The following PDGFC variants were observed in gnomAD, a reference collection of about 807,000 sequenced individuals.
PDGFC encodes the protein platelet-derived growth factor C.
Under a neutral mutation model 35.5 loss-of-function variants are expected in PDGFC, and 12 were observed. That is an observed-to-expected ratio of 0.34 (90% confidence interval 0.22 to 0.55). PDGFC has a LOEUF of 0.55. Ranked by LOEUF, PDGFC falls within the 20% of genes least tolerant of loss-of-function variation. The pLI is 0.91. For synonymous variants in PDGFC, 159 were observed against 148.8 expected (o/e 1.07, Z -0.50); for missense variants, 322 against 412.4 (o/e 0.78, Z 1.90).
chr4:156,763,982 T>C (rs912581600), intron 5 of PDGFC, among the ~76,000 whole-genome samples: 1 of 152,250 alleles, frequency 6.6e-6, no homozygotes, highest in African/African-American at 2.4e-5. Context: ...GTGTATTCTA[T>C]AAAATATTAA....
At chr4:156,917,151 A>G (rs1023737393) in intron 1 of PDGFC, among the ~76,000 whole-genome samples, 1 of 152,230 alleles carries the variant, frequency 6.6e-6, no homozygotes, top group Non-Finnish European at 1.5e-5. Flanking sequence ...GGGCCCAATA[A>G]GAGACCACTC....
chr4:156,867,558 A>G (rs1729875556), intron 1 of PDGFC, among the ~76,000 whole-genome samples: 1 of 152,192 alleles, frequency 6.6e-6, no homozygotes, highest in Admixed American at 6.5e-5. Flanking sequence ...TTATCTGTCA[A>G]TTCAAGAGTA....
At position 156,942,328 on chromosome 4, in the gene PDGFC, G is replaced by A. The variant is rs374907188; in HGVS notation, c.118+28458C>T. 7.1e-4 allele frequency among the ~76,000 whole-genome samples: 108 copies of A among 152,088 alleles called. No individual in the cohort carries two copies. The East Asian group carries it at 0.013, about 19-fold the overall frequency. ...ACATCGAATGTACTTTATTTTTCTAGCTTATCTTCTTTCATGATTAAAAAA... is the reference window on the plus strand; with the variant it reads ...ACATCGAATGTACTTTATTTTTCTAACTTATCTTCTTTCATGATTAAAAAA... On this transcript the variant is annotated intron_variant, in intron 1 of 5. Transcript: ENST00000502773.
chr4:156,895,594 T>C (rs1461995229), intron 1 of PDGFC, among the ~76,000 whole-genome samples: 1 of 150,200 alleles, frequency 6.7e-6, no homozygotes, highest in Non-Finnish European at 1.5e-5. Context: ...ATCGTGCCAC[T>C]GCACTCCAGC....
chr4:156,899,312 T>A (rs1421039353), intron 1 of PDGFC, among the ~76,000 whole-genome samples: 1 of 152,230 alleles, frequency 6.6e-6, no homozygotes, highest in Non-Finnish European at 1.5e-5. Context: ...TATTAAAATA[T>A]TAGACCATTT....
At chr4:156,947,810 T>C (rs910295844) in intron 1 of PDGFC, among the ~76,000 whole-genome samples, 1 of 152,006 alleles carries the variant, frequency 6.6e-6, no homozygotes, top group African/African-American at 2.4e-5. Context: ...ATGATGTCCA[T>C]ATACTGTGGA....
At chr4:156,772,489 C>T (rs966548492) in intron 4 of PDGFC, among the ~76,000 whole-genome samples, 197 bp downstream of exon 4, 5 of 151,968 alleles carry the variant, frequency 3.3e-5, no homozygotes, top group African/African-American at 1.2e-4. Flanking sequence ...TTTTCCACAC[C>T]CACTGGGTTA....
At chr4:156,853,138 C>T (rs971602662) in intron 1 of PDGFC, among the ~76,000 whole-genome samples, 6 of 152,214 alleles carry the variant, frequency 3.9e-5, no homozygotes, top group African/African-American at 1.2e-4. Flanking sequence ...CACCTTCTAT[C>T]GCACACAAAG....
chr4:156,884,054 T>A (rs148850807), intron 1 of PDGFC, among the ~76,000 whole-genome samples: 6 of 152,292 alleles, frequency 3.9e-5, no homozygotes, highest in Admixed American at 1.3e-4. Context: ...AAGCAACTAT[T>A]CTTCTCTGGA....
chr4:156,855,747 A>G (rs77708093), intron 1 of PDGFC, among the ~76,000 whole-genome samples: 2,434 of 152,120 alleles, frequency 0.016, 65 homozygotes, highest in African/African-American at 0.055. Flanking sequence ...TAATGTTGCT[A>G]GTTTGTGGAT....
At chr4:156,829,678 C>T (rs1728877287) in intron 2 of PDGFC, among the ~76,000 whole-genome samples, 1 of 152,102 alleles carries the variant, frequency 6.6e-6, no homozygotes, top group Non-Finnish European at 1.5e-5. Flanking sequence ...TTATATCACT[C>T]ACTTCATTTC....
At chr4:156,766,947 G>T (rs1730554742) in intron 5 of PDGFC, among the ~76,000 whole-genome samples, 1 of 152,000 alleles carries the variant, frequency 6.6e-6, no homozygotes. Flanking sequence ...TATTTGTTCT[G>T]TATTCTTATT....
At chr4:156,771,012 A>G (rs1730680031) in intron 4 of PDGFC, among the ~76,000 whole-genome samples, 1 of 152,168 alleles carries the variant, frequency 6.6e-6, no homozygotes, top group Non-Finnish European at 1.5e-5. Flanking sequence ...GTTATCCTAC[A>G]CTTGTATTTT....
chr4:156,968,904 T>A (rs1002860309), intron 1 of PDGFC, among the ~76,000 whole-genome samples: 2 of 152,186 alleles, frequency 1.3e-5, no homozygotes, highest in Admixed American at 1.3e-4. Flanking sequence ...CCTGGCTTAA[T>A]GAACTCATCT....
intron 1 of PDGFC, among the ~76,000 whole-genome samples, chr4:156,898,807 G>A (rs6840067): frequency 0.58 from 88,145 of 151,928 alleles, 25,768 homozygotes; most frequent in Admixed American, 0.64. Context: ...ACAGGTGTGC[G>A]CTACTACACC....
intron 3 of PDGFC, among the ~76,000 whole-genome samples, chr4:156,788,116 C>T (rs759210381): frequency 3.9e-5 from 6 of 151,920 alleles, no homozygotes; most frequent in Non-Finnish European, 8.8e-5. Flanking sequence ...ATTTCCAGAG[C>T]GTTCTTAAAT....
chr4:156,819,720 C>T (rs1020573372), intron 2 of PDGFC, among the ~76,000 whole-genome samples: 2 of 152,162 alleles, frequency 1.3e-5, no homozygotes, highest in African/African-American at 4.8e-5. Flanking sequence ...TTCTGCAGTC[C>T]ATGGGCCAAG....
At chr4:156,876,439 T>A (rs1730118439) in intron 1 of PDGFC, 1 of 152,222 alleles carries the variant, frequency 6.6e-6, no homozygotes, top group Admixed American at 6.5e-5. Flanking sequence ...TTAGACATCT[T>A]CTAAACTTCA....
chr4:156,965,291 T>G (rs554270208), intron 1 of PDGFC, among the ~76,000 whole-genome samples: 1 of 152,128 alleles, frequency 6.6e-6, no homozygotes, highest in Non-Finnish European at 1.5e-5. Flanking sequence ...CAACAGATAC[T>G]CATCGGGCAC....
Sources: allele counts gnomAD v4.1 joint callset (sites outside exome capture counted in the v4.1 genomes callset), GRCh38; gene constraint gnomAD v4.1.1; transcripts MANE v1.5; gene names NCBI Gene and HGNC (gene_info 2026-07-23, HGNC 2026-07-21).